Variants in MINDY4 observed in about 807,000 individuals in gnomAD.
MINDY4 encodes probable ubiquitin carboxyl-terminal hydrolase MINDY-4.
A neutral mutation model predicts 87.0 loss-of-function variants in MINDY4; 68 were observed. That is an observed-to-expected ratio of 0.78 (90% CI 0.64 to 0.96). The LOEUF (loss-of-function observed/expected upper bound fraction) is 0.96. Ranked by LOEUF, MINDY4 falls within the 40% of genes least tolerant of loss-of-function variation. MINDY4 has a pLI of 0.00. For missense variants in MINDY4, 919 were observed against 928.2 expected, an observed-to-expected ratio of 0.99 and a Z score of 0.13; for synonymous variants, 379 against 363.2, an observed-to-expected ratio of 1.04 and a Z score of -0.50.
chr7:30,792,949 G>A (rs1787368113), intron 5 of MINDY4, among the ~76,000 whole-genome samples: 1 of 150,958 alleles, frequency 6.6e-6, no homozygotes, highest in South Asian at 2.1e-4. Flanking sequence ...TTTTAAAGCT[G>A]CAAATTTCTC....
intron 12 of MINDY4, among the ~76,000 whole-genome samples, chr7:30,857,541 C>T (rs1010983169): frequency 1.7e-5 from 1 of 60,112 alleles, no homozygotes; most frequent in Non-Finnish European, 2.5e-5. Flanking sequence ...GGCGCGATCT[C>T]GGCTCACTGC....
chr7:30,888,058 C>T (rs1247948899), intron 17 of MINDY4, among the ~76,000 whole-genome samples: 1 of 152,192 alleles, frequency 6.6e-6, no homozygotes, highest in African/African-American at 2.4e-5. Context: ...GCTGTCTTGT[C>T]CTGGCTGACA....
rs536912015 is a variant in MINDY4 at position 30,871,610 on chromosome 7, T to C, written c.1746-633T>C. Among the ~76,000 whole-genome samples the C allele has an allele frequency of 3.3e-5, 5 of 152,332 alleles. No homozygotes were observed. The South Asian group carries it at 1.0e-3, about 32-fold the overall frequency. Reference sequence around the variant, plus strand: ...AAAGTAGGTTTTCACCTTGCATCTTTTGAAGGACTCCATTCTGAGGGTGGA... The same window carrying C: ...AAAGTAGGTTTTCACCTTGCATCTTCTGAAGGACTCCATTCTGAGGGTGGA... On this transcript the variant is annotated intron_variant, in intron 13 of 17. Transcript: ENST00000265299.
At chr7:30,778,013 A>G (rs568326520) in intron 1 of MINDY4, among the ~76,000 whole-genome samples, 48 of 152,296 alleles carry the variant, frequency 3.2e-4, no homozygotes, top group Middle Eastern at 3.4e-3. Context: ...GGATGGTTAC[A>G]GCCCCCACCT....
intron 5 of MINDY4, among the ~76,000 whole-genome samples, chr7:30,799,141 T>C (rs778610983): frequency 6.6e-6 from 1 of 152,130 alleles, no homozygotes; most frequent in Non-Finnish European, 1.5e-5. Context: ...TCTCTGGGCC[T>C]CTGTGCTCCT....
At chr7:30,805,033 C>T (rs1787764615) in intron 5 of MINDY4, among the ~76,000 whole-genome samples, 1 of 152,180 alleles carries the variant, frequency 6.6e-6, no homozygotes, top group Non-Finnish European at 1.5e-5. Context: ...CTTCTCTAGG[C>T]AATAGAGAGG....
chr7:30,816,246 A>T (rs1181961469), intron 5 of MINDY4, among the ~76,000 whole-genome samples: 1 of 151,664 alleles, frequency 6.6e-6, no homozygotes, highest in Non-Finnish European at 1.5e-5. Context: ...ATCTTTGTAC[A>T]GTTTTGTTTT....
At chr7:30,850,192 TG>T (rs1351637593) in intron 9 of MINDY4, among the ~76,000 whole-genome samples, 1 of 152,222 alleles carries the variant, frequency 6.6e-6, no homozygotes, top group Non-Finnish European at 1.5e-5. Flanking sequence ...TCTTTGCTCC[TG>T]TGGGCCCTTT....
intron 2 of MINDY4, 22 bp downstream of exon 2, chr7:30,778,573 G>T: frequency 6.2e-7 from 1 of 1,613,988 alleles, no homozygotes; most frequent in Non-Finnish European, 8.5e-7. Context: ...CTAAGGTGTG[G>T]TGTGGAGTCT....
chr7:30,828,089 A>G (rs373764264), intron 5 of MINDY4, among the ~76,000 whole-genome samples: 51 of 152,276 alleles, frequency 3.3e-4, no homozygotes, highest in African/African-American at 1.2e-3. Context: ...GACCCTTTTA[A>G]GAAAGCTCTG....
At chr7:30,874,154 T>C (rs1790192348) in intron 14 of MINDY4, among the ~76,000 whole-genome samples, 2 of 152,266 alleles carry the variant, frequency 1.3e-5, no homozygotes, top group Admixed American at 1.3e-4. Context: ...GCCTGCCTTC[T>C]TGTGTCACAG....
chr7:30,791,348 C>T lies in MINDY4; in HGVS notation c.847C>T (p.Gln283Ter). ...GQLSELTVER[Q>*]KTTASSPPHL... ...GCTTAGTGAACTGACCGTAGAAAGGCAGAAAACCACTGCCAGCAGCCCTCC... is the reference window on the plus strand; with the variant it reads ...GCTTAGTGAACTGACCGTAGAAAGGTAGAAAACCACTGCCAGCAGCCCTCC... The change falls in exon 5 of 18, where the codon CAG becomes TAG. Residue 283 changes from glutamine to a stop codon, truncating the protein, a stop_gained. Transcript: ENST00000265299. LOFTEE classifies it high-confidence loss of function. 2 of 1,614,154 alleles carry T rather than the reference C, an allele frequency of 1.2e-6. No homozygotes were observed. Among genetic ancestry groups the T allele is most frequent in the South Asian group, 1.1e-5 (1 of 91,078 alleles).
intron 5 of MINDY4, among the ~76,000 whole-genome samples, chr7:30,813,259 T>G (rs1272853226): frequency 1.3e-5 from 2 of 152,228 alleles, no homozygotes; most frequent in Non-Finnish European, 2.9e-5. Flanking sequence ...TTCGATTTTT[T>G]CTTTTCTACT....
intron 5 of MINDY4, among the ~76,000 whole-genome samples, chr7:30,807,530 G>C (rs1263581480): frequency 1.3e-5 from 2 of 152,084 alleles, no homozygotes; most frequent in African/African-American, 4.8e-5. Context: ...TCTGGTCTAA[G>C]GGAGGAGACC....
At chr7:30,772,183 C>T (rs531630292) in intron 1 of MINDY4, among the ~76,000 whole-genome samples, 5 of 151,964 alleles carry the variant, frequency 3.3e-5, no homozygotes, top group South Asian at 2.1e-4. Context: ...AGGAGCTCGC[C>T]GGGGGGTCTT....
At position 30,837,957 on chromosome 7, in the gene MINDY4, T is replaced by G. The variant is rs1238909846; in HGVS notation, c.1239+1193T>G. Among the ~76,000 whole-genome samples, 6 of 152,188 alleles carry G rather than the reference T, an allele frequency of 3.9e-5. No homozygotes were observed. The East Asian group carries it at 1.2e-3, about 29-fold the overall frequency. On this transcript the variant is annotated intron_variant, in intron 7 of 17. Coordinates refer to ENST00000265299, the MANE Select transcript of MINDY4 (RefSeq NM_032222.3). ...ATGCTTCTGTCAAAGAGATTTTTCC[T>G]TATATTTAATGAAAAGGAAAAAAAG...
At chr7:30,872,166 G>T in intron 13 of MINDY4, 77 bp from the exon 14 acceptor site, 1 of 1,335,956 alleles carries the variant, frequency 7.5e-7, no homozygotes. Flanking sequence ...AACCTAAGGG[G>T]AGCGCCTGGT....
chr7:30,835,580 A>G (rs1409841236), intron 6 of MINDY4, among the ~76,000 whole-genome samples: 1 of 152,188 alleles, frequency 6.6e-6, no homozygotes, highest in East Asian at 1.9e-4. Flanking sequence ...AGTCTCTAGG[A>G]GTTCCCCTTG....
intron 14 of MINDY4, among the ~76,000 whole-genome samples, chr7:30,873,366 C>T (rs1386923606): frequency 6.6e-6 from 1 of 152,216 alleles, no homozygotes; most frequent in African/African-American, 2.4e-5. Context: ...GAGTCTGGGG[C>T]TGGGTCCCAA....
Sources: gnomAD v4.1 joint callset for allele counts (sites outside exome capture counted in the v4.1 genomes callset) on GRCh38, gnomAD v4.1.1 for gene constraint, MANE v1.5 for transcripts, NCBI Gene and HGNC (gene_info 2026-07-23, HGNC 2026-07-21) for gene names.